Variants in GTF2F2 observed in about 807,000 individuals in gnomAD.
GTF2F2 encodes the protein ATP-dependent helicase GTF2F2.
GTF2F2 carries 23 observed loss-of-function variants against 42.2 expected under a neutral mutation model. That is an observed-to-expected ratio of 0.55 (90% CI 0.39 to 0.77). The LOEUF (loss-of-function observed/expected upper bound fraction) is 0.77, where lower values mean the gene tolerates loss of function less well. GTF2F2 is among the 30% of genes least tolerant of loss of function. GTF2F2 has a pLI of 0.00. For synonymous variants in GTF2F2, 105 were observed against 100.8 expected (o/e 1.04, Z -0.25); for missense variants, 261 against 287.2 (o/e 0.91, Z 0.66).
chr13:45,133,065 A>C (rs538665309), intron 1 of GTF2F2, among the ~76,000 whole-genome samples: 7 of 152,164 alleles, frequency 4.6e-5, no homozygotes, highest in Non-Finnish European at 1.0e-4. Context: ...CCACAGATAA[A>C]TTATAAATTA....
At chr13:45,255,615 A>G (rs1414257005) in intron 6 of GTF2F2, among the ~76,000 whole-genome samples, 1 of 152,216 alleles carries the variant, frequency 6.6e-6, no homozygotes, top group African/African-American at 2.4e-5. Flanking sequence ...GTTCTCTTCC[A>G]TTGTAGTCTT....
At chr13:45,152,561 A>T (rs1870550996) in intron 4 of GTF2F2, among the ~76,000 whole-genome samples, 1 of 152,166 alleles carries the variant, frequency 6.6e-6, no homozygotes. Context: ...TTTAGTCTGA[A>T]TTTTTCAACT....
intron 7 of GTF2F2, among the ~76,000 whole-genome samples, chr13:45,280,510 G>A (rs1877218025): frequency 6.6e-6 from 1 of 152,136 alleles, no homozygotes. Flanking sequence ...CTAAAAATCA[G>A]GAAGTTTGTG....
rs751939782 is a variant in GTF2F2 at position 45,252,858 on chromosome 13, TA to T, written c.387-12del. The T allele has an allele frequency of 1.6e-5, 18 of 1,114,004 alleles. No homozygotes were observed. The highest frequency in any genetic ancestry group is 2.1e-5 in the Non-Finnish European group (16 of 778,024). The allele number at this position is 1,114,004 out of a possible 1,614,324, so 69.0% of individuals were successfully genotyped here. ...AAACAAGAGTGTTAATAATGCCTTATATTTTTTTTCAGATTGCAAATAGAAG... is the reference window on the plus strand; with the variant it reads ...AAACAAGAGTGTTAATAATGCCTTATTTTTTTTTCAGATTGCAAATAGAAG... On this transcript the variant is annotated splice_polypyrimidine_tract_variant and intron_variant, in intron 5 of 7. Transcript: ENST00000340473.
Position 45,284,316 on chromosome 13 carries a change from A to G in GTF2F2, c.*755A>G, listed in dbSNP as rs1164820858. ...GAATTTTACTGCTTACCCAGCAGAC[A>G]TGTATTGACCATCACATGGCAAATG... On this transcript the variant is annotated 3_prime_UTR_variant, in exon 8 of 8. Transcript: ENST00000340473. The G allele has an allele frequency of 6.6e-6, 1 of 152,236 alleles. No homozygotes were observed. Among genetic ancestry groups the G allele is most frequent in the African/African-American group, 2.4e-5 (1 of 41,474 alleles). The allele number at this position is 152,236 out of a possible 1,614,324, so 9.4% of individuals were successfully genotyped here.
intron 4 of GTF2F2, among the ~76,000 whole-genome samples, chr13:45,186,865 A>G (rs1438383614): frequency 6.6e-6 from 1 of 152,214 alleles, no homozygotes; most frequent in African/African-American, 2.4e-5. Context: ...GTCAAAACAT[A>G]TGTGCTAAAC....
At chr13:45,131,590 C>G (rs1458478833) in intron 1 of GTF2F2, among the ~76,000 whole-genome samples, 1 of 151,974 alleles carries the variant, frequency 6.6e-6, no homozygotes, top group African/African-American at 2.4e-5. Context: ...ATAGAGAACT[C>G]TCTCAAGGAG....
chr13:45,178,122 T>C (rs1329559463), intron 4 of GTF2F2, among the ~76,000 whole-genome samples: 1 of 151,896 alleles, frequency 6.6e-6, no homozygotes, highest in Non-Finnish European at 1.5e-5. Context: ...GTTACTTCTA[T>C]TTTTTTTCTC....
intron 1 of GTF2F2, among the ~76,000 whole-genome samples, chr13:45,127,783 C>T (rs1198533235): frequency 1.3e-5 from 2 of 151,722 alleles, no homozygotes; most frequent in African/African-American, 2.4e-5. Flanking sequence ...CAGGCGCCTG[C>T]CACCACGCCC....
chr13:45,272,424 TAA>T (rs11393681), intron 7 of GTF2F2, among the ~76,000 whole-genome samples: 2 of 99,630 alleles, frequency 2.0e-5, no homozygotes, highest in African/African-American at 3.5e-5. Context: ...TTTGGCTCTT[TAA>T]AAAAAAAAAA....
At chr13:45,135,192 G>C (rs1359968303) in intron 1 of GTF2F2, among the ~76,000 whole-genome samples, 1 of 151,980 alleles carries the variant, frequency 6.6e-6, no homozygotes, top group East Asian at 1.9e-4. Context: ...GACCTCAAGT[G>C]ATCTGCCCGC....
chr13:45,190,283 C>G (rs1872569768), intron 4 of GTF2F2, among the ~76,000 whole-genome samples: 1 of 152,144 alleles, frequency 6.6e-6, no homozygotes, highest in African/African-American at 2.4e-5. Context: ...AAAAATATTA[C>G]TTTTCTAAAA....
intron 5 of GTF2F2, among the ~76,000 whole-genome samples, chr13:45,235,846 C>T (rs1874950106): frequency 2.0e-5 from 3 of 152,104 alleles, no homozygotes; most frequent in Admixed American, 6.6e-5. Context: ...CTCAGGTGAT[C>T]GGCCCCCCTC....
intron 5 of GTF2F2, among the ~76,000 whole-genome samples, chr13:45,251,818 G>T (rs1453213493): frequency 6.6e-6 from 1 of 152,036 alleles, no homozygotes; most frequent in Non-Finnish European, 1.5e-5. Context: ...AACTAGATAT[G>T]TTAGGCAATT....
intron 4 of GTF2F2, among the ~76,000 whole-genome samples, chr13:45,165,068 G>A (rs1453296594): frequency 6.6e-6 from 1 of 151,988 alleles, no homozygotes; most frequent in East Asian, 1.9e-4. Context: ...ACAGATATAG[G>A]TAACCTGTTG....
At chr13:45,148,361 A>G (rs1300292900) in intron 2 of GTF2F2, among the ~76,000 whole-genome samples, 4 of 152,158 alleles carry the variant, frequency 2.6e-5, no homozygotes, top group Non-Finnish European at 4.4e-5. Context: ...AAGAGCTTCT[A>G]TGGTTGAGCC....
intron 4 of GTF2F2, among the ~76,000 whole-genome samples, chr13:45,181,189 C>A (rs7320193): frequency 0.2 from 22,411 of 111,940 alleles, 2,580 homozygotes; most frequent in African/African-American, 0.26. Flanking sequence ...AACAAACAAA[C>A]AAAAAAAAAA....
At chr13:45,217,839 C>T (rs1200923008) in intron 5 of GTF2F2, among the ~76,000 whole-genome samples, 1 of 152,200 alleles carries the variant, frequency 6.6e-6, no homozygotes, top group Admixed American at 6.5e-5. Context: ...CCAGGCATCT[C>T]CTGTTTTTAC....
chr13:45,142,444 A>C (rs1280692704), intron 2 of GTF2F2, among the ~76,000 whole-genome samples: 1 of 152,222 alleles, frequency 6.6e-6, no homozygotes, highest in East Asian at 1.9e-4. Context: ...CTAGGATTAC[A>C]GGCGTGAGCC....
Sources: allele counts gnomAD v4.1 joint callset (sites outside exome capture counted in the v4.1 genomes callset), GRCh38; gene constraint gnomAD v4.1.1; transcripts MANE v1.5; gene names NCBI Gene and HGNC (gene_info 2026-07-23, HGNC 2026-07-21).